C1orf54: variants seen among roughly 807,000 people sequenced by gnomAD.
C1orf54 encodes the protein uncharacterized protein C1orf54.
C1orf54 carries 12 observed loss-of-function variants against 14.7 expected under a neutral mutation model. The observed-to-expected ratio is 0.82, with a 90% CI of 0.52 to 1.32. The LOEUF is 1.32. C1orf54 is among the 40% of genes most tolerant of loss of function. The pLI is 0.00. For missense variants in C1orf54, 163 were observed against 162.2 expected (o/e 1.00, Z -0.03); for synonymous variants, 65 against 56.3 (o/e 1.16, Z -0.70).
At chr1:150,270,018 C>A (rs948635728), upstream of C1orf54, among the ~76,000 whole-genome samples, 2 of 151,974 alleles carry the variant, frequency 1.3e-5, no homozygotes, top group Non-Finnish European at 1.5e-5. Flanking sequence ...GCCTGGGCAA[C>A]GGAGTGAGGT....
At chr1:150,273,009 C>A in intron 1 of C1orf54, 146 bp downstream of exon 1, 3 of 898,160 alleles carry the variant, frequency 3.3e-6, no homozygotes, top group Non-Finnish European at 5.2e-6. Flanking sequence ...GTGTTGAGGG[C>A]AGAATGGAGA....
chr1:150,279,142 G>A (rs1171774100), intron 4 of C1orf54, among the ~76,000 whole-genome samples: 3 of 152,200 alleles, frequency 2.0e-5, no homozygotes, highest in African/African-American at 7.2e-5. Context: ...ATGGTGGCGG[G>A]TGCCTGTAAT....
intron 1 of C1orf54, among the ~76,000 whole-genome samples, chr1:150,273,500 C>T (rs782015416): frequency 6.6e-6 from 1 of 152,176 alleles, no homozygotes; most frequent in African/African-American, 2.4e-5. Context: ...CCAGTCATAT[C>T]AAAGCCACAT....
At chr1:150,268,733 A>T (rs1651969916), upstream of C1orf54, 1 of 1,613,638 alleles carries the variant, frequency 6.2e-7, no homozygotes, top group Non-Finnish European at 8.5e-7. Context: ...GCGGGTCCCC[A>T]GCCACAGTGA....
At chr1:150,269,492 G>C (rs1168629181), upstream of C1orf54, 5 of 152,274 alleles carry the variant, frequency 3.3e-5, no homozygotes, top group South Asian at 2.0e-4. Flanking sequence ...AATAAACATG[G>C]AATACAGTAT....
chr1:150,270,726 G>A (rs1652140393), upstream of C1orf54, among the ~76,000 whole-genome samples: 1 of 152,152 alleles, frequency 6.6e-6, no homozygotes, highest in African/African-American at 2.4e-5. Flanking sequence ...GCTGGGCGCA[G>A]TGGCTCACGC....
intron 5 of C1orf54, 120 bp downstream of exon 5, chr1:150,279,861 T>C (rs1239237327): frequency 1.2e-6 from 1 of 854,318 alleles, no homozygotes; most frequent in Non-Finnish European, 1.8e-6. Flanking sequence ...TGGTCAATTA[T>C]CAGCCACTGA....
chr1:150,274,118 A>C lies in C1orf54; in HGVS notation c.78A>C (p.Gly26=). The change falls in exon 2 of 6, where the codon GGA becomes GGC. Residue 26 remains glycine (G), a synonymous_variant. Coordinates refer to ENST00000369099, the MANE Select transcript of C1orf54 (RefSeq NM_024579.4). Reference sequence around the variant, plus strand: ...AATATGAGGATGAAGAAAGACTGGGAGAGGATGAATATTATCAGGTGGTCT... The same window carrying C: ...AATATGAGGATGAAGAAAGACTGGGCGAGGATGAATATTATCAGGTGGTCT... ...GQEYEDEERL[G]EDEYYQVVYY... 1.2e-6 allele frequency: 2 copies of C among 1,612,576 alleles called. No individual in the cohort carries two copies. Among genetic ancestry groups the C allele is most frequent in the South Asian group, 2.2e-5 (2 of 91,040 alleles).
At position 150,275,786 on chromosome 1, in the gene C1orf54, C is replaced by CA; in HGVS notation, c.177dup (p.Glu60ArgfsTer9). Reference sequence around the variant, plus strand: ...ACCATTGATTACTCCATATTTGAGTCAGAGGACAGGCTGGTGAGTGAACTC... The same window carrying CA: ...ACCATTGATTACTCCATATTTGAGTCAAGAGGACAGGCTGGTGAGTGAACTC... On this transcript the variant is annotated frameshift_variant, in exon 3 of 6. Transcript: ENST00000369099. LOFTEE classifies it high-confidence loss of function. 6.2e-7 allele frequency: 1 copy of CA among 1,611,774 alleles called. No individual in the cohort carries two copies.
intron 5 of C1orf54, 120 bp from the exon 6 acceptor site, chr1:150,280,715 C>A: frequency 2.7e-6 from 2 of 741,142 alleles, no homozygotes; most frequent in Non-Finnish European, 4.5e-6. Flanking sequence ...TTCCCAGGAG[C>A]TATCACAGAG....
In C1orf54 at chr1:150,276,640, G is replaced by T. The variant is rs1553852576; in HGVS notation, c.300+8G>T. 22 of 1,603,166 alleles carry T rather than the reference G, an allele frequency of 1.4e-5. No homozygotes were observed. Among genetic ancestry groups the T allele is most frequent in the Admixed American group, 1.7e-5 (1 of 59,976 alleles). ...CCAGTAACAACGGAACCTGTGAGTT[G>T]ATTGGGGATTGGGGGCTGGGGGGAG... On this transcript the variant is annotated splice_region_variant and intron_variant, in intron 4 of 5. Coordinates refer to ENST00000369099, the MANE Select transcript of C1orf54 (RefSeq NM_024579.4).
intron 5 of C1orf54, 112 bp downstream of exon 5, chr1:150,279,853 G>C (rs1652955599): frequency 1.1e-6 from 1 of 919,420 alleles, no homozygotes; most frequent in East Asian, 2.6e-5. Context: ...TTCCAGCCTG[G>C]TCAATTATCA....
upstream of C1orf54, chr1:150,268,939 G>A (rs782130894): frequency 4.8e-5 from 35 of 731,440 alleles, no homozygotes; most frequent in Admixed American, 8.6e-5. Flanking sequence ...GTCACCCCCA[G>A]ACCCCGGGGA....
chr1:150,279,036 T>C (rs1652893343), intron 4 of C1orf54, among the ~76,000 whole-genome samples: 1 of 152,166 alleles, frequency 6.6e-6, no homozygotes, highest in Admixed American at 6.5e-5. Context: ...CTTTGGGAGC[T>C]GAGGTGGGCG....
intron 2 of C1orf54, among the ~76,000 whole-genome samples, chr1:150,275,098 G>C (rs1191509712): frequency 6.6e-6 from 1 of 151,396 alleles, no homozygotes; most frequent in Non-Finnish European, 1.5e-5. Context: ...GAGTGCAGTG[G>C]CACAATCTCA....
intron 1 of C1orf54, 23 bp from the exon 2 acceptor site, chr1:150,274,064 A>G: frequency 6.4e-7 from 1 of 1,557,516 alleles, no homozygotes; most frequent in Non-Finnish European, 8.9e-7. Context: ...ATGTCCCTTG[A>G]CCTCTAGTCC....
chr1:150,268,875 G>A (rs201855950), upstream of C1orf54: 3 of 1,452,810 alleles, frequency 2.1e-6, no homozygotes, highest in Non-Finnish European at 2.8e-6. Context: ...GGGCGCGCCA[G>A]CTGGGGAGTC....
upstream of C1orf54, among the ~76,000 whole-genome samples, chr1:150,270,650 A>T (rs1572094546): frequency 6.6e-6 from 1 of 151,512 alleles, no homozygotes; most frequent in East Asian, 2.0e-4. Context: ...CTCTGAAAAA[A>T]AAGAAAGAAA....
At chr1:150,269,014 G>A (rs201535867), upstream of C1orf54, 39 of 529,364 alleles carry the variant, frequency 7.4e-5, no homozygotes, top group Non-Finnish European at 1.1e-4. Flanking sequence ...GGAAGCCGAA[G>A]AGGGGACAAA....
Sources: allele counts gnomAD v4.1 joint callset (sites outside exome capture counted in the v4.1 genomes callset), GRCh38; gene constraint gnomAD v4.1.1; transcripts MANE v1.5; gene names NCBI Gene and HGNC (gene_info 2026-07-23, HGNC 2026-07-21).